NKD1: variants seen among roughly 807,000 people sequenced by gnomAD.
The protein encoded by NKD1 is NKD inhibitor of Wnt signaling pathway 1.
A neutral mutation model predicts 56.0 loss-of-function variants in NKD1; 21 were observed. The ratio of observed to expected loss-of-function variants is 0.38; its 90% CI spans 0.27 to 0.54. NKD1 has a LOEUF of 0.54. Among genes scored for constraint, NKD1 ranks in the 20% least tolerant of loss-of-function variants. The probability of loss-of-function intolerance (pLI) is 0.82; values close to 1 mark genes in which losing one functional copy is unlikely to be tolerated. For missense variants in NKD1, 578 were observed against 642.7 expected, an observed-to-expected ratio of 0.90 and a Z score of 1.09; for synonymous variants, 263 against 265.7, an observed-to-expected ratio of 0.99 and a Z score of 0.10.
intron 3 of NKD1, among the ~76,000 whole-genome samples, chr16:50,584,084 G>A (rs188551907): frequency 2.6e-5 from 4 of 152,294 alleles, no homozygotes; most frequent in African/African-American, 7.2e-5. Context: ...CGAGTAGGTG[G>A]GAGCTGTATG....
At chr16:50,571,527 T>C (rs560111437) in intron 3 of NKD1, 1 of 985,400 alleles carries the variant, frequency 1.0e-6, no homozygotes, top group South Asian at 4.7e-5. Flanking sequence ...GAGACCCATC[T>C]GCGCTCCCAG....
intron 3 of NKD1, among the ~76,000 whole-genome samples, chr16:50,564,133 C>T (rs1960705542): frequency 6.6e-6 from 1 of 152,276 alleles, no homozygotes; most frequent in Admixed American, 6.5e-5. Flanking sequence ...AGCCCCCTTC[C>T]TTGTAACATA....
At chr16:50,606,800 C>G (rs997232089) in intron 3 of NKD1, 1 of 456,672 alleles carries the variant, frequency 2.2e-6, no homozygotes. Context: ...GTTGCCTGTT[C>G]CCTCGGGGAA....
At chr16:50,582,612 C>T (rs1961141227) in intron 3 of NKD1, among the ~76,000 whole-genome samples, 1 of 152,206 alleles carries the variant, frequency 6.6e-6, no homozygotes, top group Non-Finnish European at 1.5e-5. Context: ...GATGTTCATC[C>T]ACGAATTATC....
chr16:50,581,644 G>A (rs1596718919), intron 3 of NKD1, among the ~76,000 whole-genome samples: 1 of 152,244 alleles, frequency 6.6e-6, no homozygotes, highest in East Asian at 1.9e-4. Context: ...CGGATGGAGA[G>A]AACTGGCTAA....
intron 3 of NKD1, among the ~76,000 whole-genome samples, chr16:50,595,198 A>C (rs1414783043): frequency 6.6e-6 from 1 of 151,968 alleles, no homozygotes; most frequent in African/African-American, 2.4e-5. Flanking sequence ...CTATATTCGG[A>C]TCCTGGCTCT....
chr16:50,572,960 C>G (rs1488671907), intron 3 of NKD1: 1 of 728,878 alleles, frequency 1.4e-6, no homozygotes, highest in Non-Finnish European at 1.7e-6. Flanking sequence ...AGTTTGAGTT[C>G]TGGGCCTGCT....
At chr16:50,575,632 G>A (rs138734393) in intron 3 of NKD1, among the ~76,000 whole-genome samples, 2 of 152,360 alleles carry the variant, frequency 1.3e-5, no homozygotes, top group African/African-American at 2.4e-5. Context: ...AGAGGGCTTG[G>A]TGGAGGCTCT....
chr16:50,574,582 C>A (rs1960952636), intron 3 of NKD1: 1 of 985,376 alleles, frequency 1.0e-6, no homozygotes, highest in South Asian at 4.7e-5. Flanking sequence ...TGTTGGAGTT[C>A]ATTAGCAGCT....
intron 3 of NKD1, among the ~76,000 whole-genome samples, chr16:50,563,090 T>G (rs1341542922): frequency 6.6e-6 from 1 of 151,500 alleles, no homozygotes; most frequent in African/African-American, 2.4e-5. Flanking sequence ...GTTCTGTGTC[T>G]GCATTGTCCC....
chr16:50,611,813 C>G (rs1370364918), intron 4 of NKD1, among the ~76,000 whole-genome samples: 1 of 152,148 alleles, frequency 6.6e-6, no homozygotes, highest in Non-Finnish European at 1.5e-5. Context: ...CACTGGGTTC[C>G]TTGTAGCACT....
At chr16:50,584,221 C>T (rs1961179739) in intron 3 of NKD1, among the ~76,000 whole-genome samples, 1 of 152,162 alleles carries the variant, frequency 6.6e-6, no homozygotes, top group Non-Finnish European at 1.5e-5. Context: ...CCTATCCCTC[C>T]AGCAGGCCAG....
At chr16:50,619,943 G>A (rs1962048992) in intron 4 of NKD1, among the ~76,000 whole-genome samples, 1 of 152,242 alleles carries the variant, frequency 6.6e-6, no homozygotes, top group Admixed American at 6.5e-5. Flanking sequence ...GGGCAGCCTA[G>A]TGGACTGACT....
chr16:50,608,927 G>A (rs1363762199), intron 4 of NKD1, among the ~76,000 whole-genome samples: 1 of 152,194 alleles, frequency 6.6e-6, no homozygotes, highest in African/African-American at 2.4e-5. Flanking sequence ...GGGCTCAAGT[G>A]ATCCTCTCAC....
At chr16:50,592,333 G>C (rs1013116401) in intron 3 of NKD1, among the ~76,000 whole-genome samples, 1 of 152,228 alleles carries the variant, frequency 6.6e-6, no homozygotes, top group South Asian at 2.1e-4. Context: ...CCCACTGGGG[G>C]TGGGTCCTAG....
At chr16:50,573,248 A>G (rs1960922174) in intron 3 of NKD1, among the ~76,000 whole-genome samples, 1 of 152,198 alleles carries the variant, frequency 6.6e-6, no homozygotes, top group Non-Finnish European at 1.5e-5. Context: ...TCAGCACCAC[A>G]CAATCTCAAT....
At chr16:50,579,282 G>A (rs112317639) in intron 3 of NKD1, among the ~76,000 whole-genome samples, 73 of 129,416 alleles carry the variant, frequency 5.6e-4, no homozygotes, top group African/African-American at 2.1e-3. Context: ...AACCCGCCAC[G>A]CATGCCCTGT....
chr16:50,563,633 G>A (rs1175161143), intron 3 of NKD1, among the ~76,000 whole-genome samples: 1 of 146,744 alleles, frequency 6.8e-6, no homozygotes, highest in East Asian at 2.1e-4. Context: ...CTGTGTGTCA[G>A]GCTAAACTCC....
chr16:50,561,740 A>G (rs1960638906), intron 3 of NKD1, among the ~76,000 whole-genome samples: 1 of 152,188 alleles, frequency 6.6e-6, no homozygotes, highest in Admixed American at 6.5e-5. Flanking sequence ...GCAACAACAC[A>G]TTCTCTTCAT....
Sources: gnomAD v4.1 joint callset for allele counts (sites outside exome capture counted in the v4.1 genomes callset) on GRCh38, gnomAD v4.1.1 for gene constraint, MANE v1.5 for transcripts, NCBI Gene and HGNC (gene_info 2026-07-23, HGNC 2026-07-21) for gene names.